The following TTC28 variants were observed in gnomAD, a reference collection of about 807,000 sequenced individuals.
The protein encoded by TTC28 is tetratricopeptide repeat domain 28.
Under a neutral mutation model 198.0 loss-of-function variants are expected in TTC28, and 61 were observed. The ratio of observed to expected loss-of-function variants is 0.31; its 90% CI spans 0.25 to 0.38. TTC28 has a LOEUF of 0.38. Among genes scored for constraint, TTC28 ranks in the 10% least tolerant of loss-of-function variants. The pLI is 1.00. For missense variants in TTC28, 2,678 were observed against 3,164.0 expected, an observed-to-expected ratio of 0.85 and a Z score of 3.69; for synonymous variants, 1,171 against 1,297.8, an observed-to-expected ratio of 0.90 and a Z score of 2.10.
intron 19 of TTC28, 33 bp from the exon 20 acceptor site, chr22:27,990,845 A>AAG: frequency 6.5e-7 from 1 of 1,542,970 alleles, no homozygotes; most frequent in Non-Finnish European, 8.7e-7. Context: ...AAAAGAAAGA[A>AAG]AGAGAGAAAG....
At chr22:28,188,529 A>G (rs549725744) in intron 5 of TTC28, among the ~76,000 whole-genome samples, 1 of 152,314 alleles carries the variant, frequency 6.6e-6, no homozygotes, top group East Asian at 1.9e-4. Flanking sequence ...AAGGACCCTA[A>G]GTCTGCTCCC....
intron 9 of TTC28, among the ~76,000 whole-genome samples, chr22:28,100,066 C>CT (rs904362395): frequency 3.9e-5 from 6 of 152,200 alleles, no homozygotes; most frequent in Middle Eastern, 3.4e-3. Flanking sequence ...TGATATTTTC[C>CT]TTTTTTTTCC....
intron 6 of TTC28, among the ~76,000 whole-genome samples, chr22:28,138,017 G>T (rs77919927): frequency 0.072 from 10,840 of 150,712 alleles, 565 homozygotes; most frequent in East Asian, 0.21. Context: ...CTCCGTTGTT[G>T]TTTTTTTTTA....
At chr22:28,586,803 TTA>T (rs1394353907) in intron 2 of TTC28, among the ~76,000 whole-genome samples, 1 of 152,210 alleles carries the variant, frequency 6.6e-6, no homozygotes, top group Non-Finnish European at 1.5e-5. Flanking sequence ...CCAATATTTT[TTA>T]TATGAGATCA....
intron 6 of TTC28, among the ~76,000 whole-genome samples, chr22:28,111,605 C>A (rs553018153): frequency 1.3e-5 from 2 of 152,114 alleles, no homozygotes; most frequent in South Asian, 4.2e-4. Context: ...AAATTAGGGT[C>A]AAAATATCTG....
chr22:28,337,379 A>G (rs2045746361), intron 2 of TTC28, among the ~76,000 whole-genome samples: 1 of 151,638 alleles, frequency 6.6e-6, no homozygotes, highest in African/African-American at 2.4e-5. Context: ...AGCTGAGTTC[A>G]AGTCCTGGAT....
Position 28,014,371 on chromosome 22 carries a change from G to T in TTC28, c.4095C>A (p.Ser1365Arg). 1 of 1,550,882 alleles carries T rather than the reference G, an allele frequency of 6.4e-7. No individual in the cohort carries two copies. The highest frequency in any genetic ancestry group is 8.7e-7 in the Non-Finnish European group (1 of 1,146,626). ...LFNRSCQSMT[S>R]LFSNTVSPTQ... ...TCGGTGACACAGTGTTACTGAACAG[G>T]CTCGTCATGCTCTGGCAGCTCCTGG... is the stretch of plus-strand genomic sequence containing the variant. The change falls in exon 14 of 23, where the codon AGC (serine) becomes AGA (arginine). Residue 1365 changes from serine (S) to arginine (R), a missense_variant. Physicochemically the swap from Ser to Arg is moderately radical, Grantham distance 110. Around this residue, in one of 8 missense-constraint regions of TTC28, gnomAD observed 727 missense variants for 861.9 expected, o/e 0.84. Coordinates refer to ENST00000397906, the MANE Select transcript of TTC28 (RefSeq NM_001145418.2).
intron 2 of TTC28, among the ~76,000 whole-genome samples, chr22:28,580,543 ATT>A (rs1316763671): frequency 6.6e-6 from 1 of 152,148 alleles, no homozygotes. Context: ...TGGCCAACTA[ATT>A]TTTGTTTTTT....
intron 2 of TTC28, among the ~76,000 whole-genome samples, chr22:28,445,986 T>C (rs1320336799): frequency 1.3e-5 from 2 of 151,992 alleles, no homozygotes; most frequent in Non-Finnish European, 2.9e-5. Context: ...GAACAGTGTC[T>C]GACACACAGC....
intron 5 of TTC28, among the ~76,000 whole-genome samples, chr22:28,266,465 T>C (rs1401162782): frequency 1.3e-5 from 2 of 152,172 alleles, no homozygotes; most frequent in Non-Finnish European, 2.9e-5. Flanking sequence ...CCAATAGGGA[T>C]GTGGGTTGAC....
chr22:28,549,847 CT>C (rs897984559), intron 2 of TTC28, among the ~76,000 whole-genome samples: 1 of 152,162 alleles, frequency 6.6e-6, no homozygotes, highest in African/African-American at 2.4e-5. Flanking sequence ...TTTCTTCAAT[CT>C]AAAGATTGGA....
intron 1 of TTC28, among the ~76,000 whole-genome samples, chr22:28,654,266 A>C (rs1305373225): frequency 6.6e-6 from 1 of 152,220 alleles, no homozygotes; most frequent in Non-Finnish European, 1.5e-5. Context: ...ATGCCTTCTC[A>C]GAACTGAGAT....
At chr22:28,428,166 C>G (rs2047378414) in intron 2 of TTC28, among the ~76,000 whole-genome samples, 1 of 149,716 alleles carries the variant, frequency 6.7e-6, no homozygotes, top group South Asian at 2.1e-4. Flanking sequence ...TATTAACAAT[C>G]TAACTGTGAA....
At chr22:28,441,048 A>G (rs1004304097) in intron 2 of TTC28, among the ~76,000 whole-genome samples, 4 of 152,232 alleles carry the variant, frequency 2.6e-5, no homozygotes, top group African/African-American at 9.6e-5. Context: ...ACCTTCTGGT[A>G]TAGCAATTTA....
intron 2 of TTC28, among the ~76,000 whole-genome samples, chr22:28,593,457 ATAGGTAGG>A (rs1205245699): frequency 2.1e-5 from 3 of 145,706 alleles, no homozygotes; most frequent in Non-Finnish European, 4.6e-5. Flanking sequence ...AGATAGGTAG[ATAGGTAGG>A]TAGCTAGGTA....
chr22:28,097,119 G>A (rs1025526755), intron 10 of TTC28, among the ~76,000 whole-genome samples: 3 of 152,094 alleles, frequency 2.0e-5, no homozygotes, highest in African/African-American at 7.2e-5. Flanking sequence ...GCCCCTCTAT[G>A]CATAACATTG....
chr22:28,474,470 C>G (rs978765068), intron 2 of TTC28, among the ~76,000 whole-genome samples: 1 of 152,112 alleles, frequency 6.6e-6, no homozygotes, highest in African/African-American at 2.4e-5. Flanking sequence ...TATTGCAAAG[C>G]CTGAAGAGAG....
At chr22:28,603,999 C>CG (rs1479043629) in intron 2 of TTC28, among the ~76,000 whole-genome samples, 2 of 151,926 alleles carry the variant, frequency 1.3e-5, no homozygotes, top group Non-Finnish European at 2.9e-5. Flanking sequence ...GTTTCTTGGC[C>CG]GGGTGTGGTG....
intron 2 of TTC28, among the ~76,000 whole-genome samples, chr22:28,364,506 T>G (rs186017044): frequency 1.3e-5 from 2 of 152,314 alleles, no homozygotes; most frequent in Non-Finnish European, 2.9e-5. Flanking sequence ...AGATAGTGAT[T>G]CCTCTGAAGG....
Sources: allele counts gnomAD v4.1 joint callset (sites outside exome capture counted in the v4.1 genomes callset), GRCh38; gene constraint gnomAD v4.1.1; regional missense constraint gnomAD v4.1.1; transcripts MANE v1.5; gene names NCBI Gene and HGNC (gene_info 2026-07-23, HGNC 2026-07-21).